The following FANCC variants were observed in gnomAD, a reference collection of about 807,000 sequenced individuals.
FANCC encodes Fanconi anemia group C protein.
Under a neutral mutation model 71.3 loss-of-function variants are expected in FANCC, and 55 were observed. The observed-to-expected ratio is 0.77, with a 90% CI of 0.62 to 0.97. FANCC has a LOEUF of 0.97. Ranked by LOEUF, FANCC falls within the 50% of genes least tolerant of loss-of-function variation. FANCC has a pLI of 0.00. For missense variants in FANCC, 678 were observed against 670.9 expected, an observed-to-expected ratio of 1.01 and a Z score of -0.12; for synonymous variants, 275 against 244.9, an observed-to-expected ratio of 1.12 and a Z score of -1.15.
chr9:95,137,718 A>C (rs1420507618), intron 7 of FANCC, among the ~76,000 whole-genome samples: 1 of 152,222 alleles, frequency 6.6e-6, no homozygotes, highest in Non-Finnish European at 1.5e-5. Context: ...GAAGGTACAC[A>C]TTTGGGTGTC....
chr9:95,286,967 T>C (rs1445148036), intron 1 of FANCC, among the ~76,000 whole-genome samples: 2 of 152,134 alleles, frequency 1.3e-5, no homozygotes, highest in African/African-American at 2.4e-5. Context: ...AGGAAGCAAA[T>C]AGCTTCCTCC....
At chr9:95,155,854 G>C (rs1289678756) in intron 6 of FANCC, among the ~76,000 whole-genome samples, 1 of 151,266 alleles carries the variant, frequency 6.6e-6, no homozygotes, top group Non-Finnish European at 1.5e-5. Context: ...TAGTAGCTGG[G>C]ATTACAGGTG....
At chr9:95,195,224 A>T (rs560856107) in intron 4 of FANCC, among the ~76,000 whole-genome samples, 128 of 142,240 alleles carry the variant, frequency 9.0e-4, no homozygotes, top group African/African-American at 3.1e-3. Flanking sequence ...AAAAAAAACC[A>T]ACTATGCCTA....
chr9:95,190,479 C>G (rs564216255), intron 4 of FANCC, among the ~76,000 whole-genome samples: 1 of 152,348 alleles, frequency 6.6e-6, no homozygotes, highest in Non-Finnish European at 1.5e-5. Context: ...TTTGCTTCTG[C>G]AACTCACATT....
chr9:95,302,849 T>C (rs976808740), intron 1 of FANCC, among the ~76,000 whole-genome samples: 1 of 152,238 alleles, frequency 6.6e-6, no homozygotes. Flanking sequence ...GCCAAATGAA[T>C]AGCATGATCA....
At chr9:95,175,077 T>C (rs1365977806) in intron 4 of FANCC, among the ~76,000 whole-genome samples, 1 of 152,132 alleles carries the variant, frequency 6.6e-6, no homozygotes, top group African/African-American at 2.4e-5. Flanking sequence ...AACTCTACCC[T>C]GAATCTGGGA....
intron 4 of FANCC, among the ~76,000 whole-genome samples, chr9:95,228,669 A>T (rs1829789081): frequency 6.6e-6 from 1 of 152,198 alleles, no homozygotes; most frequent in Admixed American, 6.5e-5. Flanking sequence ...GTGCAAGCGA[A>T]GAGAGTGAGG....
intron 7 of FANCC, among the ~76,000 whole-genome samples, chr9:95,146,208 C>T (rs892323909): frequency 6.6e-6 from 1 of 152,010 alleles, no homozygotes; most frequent in Non-Finnish European, 1.5e-5. Flanking sequence ...AGAATTGGGC[C>T]TGTCACAGTG....
chr9:95,293,911 T>C lies in FANCC; in HGVS notation c.-79+23615A>G, dbSNP rs1564835603. 15 of 1,596,212 alleles carry C rather than the reference T, an allele frequency of 9.4e-6. No homozygotes were observed. In the South Asian group the frequency reaches 1.5e-4, roughly 16 times the overall value. The stretch of plus-strand genomic sequence containing the variant: ...GACATTTTTGAGTGTTCATTCATCA[T>C]ATAATGTTGCTACAAGTAACATTAT... On this transcript the variant is annotated intron_variant, in intron 1 of 14. Coordinates refer to ENST00000289081, the MANE Select transcript of FANCC (RefSeq NM_000136.3).
At chr9:95,226,922 C>T (rs531787565) in intron 4 of FANCC, among the ~76,000 whole-genome samples, 1 of 152,252 alleles carries the variant, frequency 6.6e-6, no homozygotes, top group South Asian at 2.1e-4. Flanking sequence ...CCAGCCCTCC[C>T]GTCCCAGCAC....
At chr9:95,209,975 C>A (rs1044199771) in intron 4 of FANCC, among the ~76,000 whole-genome samples, 66 of 152,096 alleles carry the variant, frequency 4.3e-4, no homozygotes, top group African/African-American at 1.5e-3. Flanking sequence ...CTGTTTGTAA[C>A]AGCAAAACCT....
At chr9:95,124,845 G>T (rs959681585) in intron 10 of FANCC, among the ~76,000 whole-genome samples, 2 of 152,170 alleles carry the variant, frequency 1.3e-5, no homozygotes, top group African/African-American at 4.8e-5. Flanking sequence ...ATGCTGGCAT[G>T]ACAGAGTTCT....
At chr9:95,278,592 A>G (rs974377402) in intron 1 of FANCC, among the ~76,000 whole-genome samples, 5 of 152,162 alleles carry the variant, frequency 3.3e-5, no homozygotes, top group Admixed American at 6.5e-5. Context: ...CCCAGCAATC[A>G]CAGGGGTAAA....
chr9:95,293,253 T>A, intron 1 of FANCC: 2 of 1,613,476 alleles, frequency 1.2e-6, no homozygotes, highest in Non-Finnish European at 1.7e-6. Flanking sequence ...TTGCTTAAAC[T>A]ACCCGTGATG....
intron 4 of FANCC, among the ~76,000 whole-genome samples, chr9:95,198,017 A>G (rs532415248): frequency 6.6e-6 from 1 of 152,256 alleles, no homozygotes; most frequent in South Asian, 2.1e-4. Flanking sequence ...TCAAGAATAT[A>G]ATCACGGGTT....
intron 10 of FANCC, among the ~76,000 whole-genome samples, chr9:95,117,984 A>G (rs1342069667): frequency 6.6e-6 from 1 of 151,726 alleles, no homozygotes; most frequent in Non-Finnish European, 1.5e-5. Context: ...GGCCTCCCAA[A>G]GTACTGGGAT....
rs2135428621 is a variant in FANCC at position 95,150,064 on chromosome 9, G to A, written c.545C>T (p.Ser182Phe). The A allele has an allele frequency of 1.2e-6, 2 of 1,614,114 alleles. No homozygotes were observed. The highest frequency in any genetic ancestry group is 1.7e-5 in the Admixed American group (1 of 60,016). ...QRRMAPERVA[S>F]LSRVCVPLIT... ...AAGTGGGACACAAACTCGTGACAGG[G>A]ACGCCACTCGCTCGGGAGCCATTCT... is the stretch of plus-strand genomic sequence containing the variant. The change falls in exon 7 of 15, where the codon TCC becomes TTC. Residue 182 changes from serine (S) to phenylalanine (F), a missense_variant. By Grantham distance (155) the Ser-to-Phe change is radical. Coordinates refer to ENST00000289081, the MANE Select transcript of FANCC (RefSeq NM_000136.3).
At chr9:95,209,454 C>T (rs1828358063) in intron 4 of FANCC, among the ~76,000 whole-genome samples, 1 of 152,136 alleles carries the variant, frequency 6.6e-6, no homozygotes, top group Non-Finnish European at 1.5e-5. Context: ...CTGTTGATAA[C>T]AGGGGAGGCT....
chr9:95,186,646 C>G (rs1826735265), intron 4 of FANCC: 1 of 152,180 alleles, frequency 6.6e-6, no homozygotes, highest in Admixed American at 6.5e-5. Context: ...ATAATTCCAC[C>G]TATGTGAAAA....
Sources: allele counts gnomAD v4.1 joint callset (sites outside exome capture counted in the v4.1 genomes callset), GRCh38; gene constraint gnomAD v4.1.1; transcripts MANE v1.5; gene names NCBI Gene and HGNC (gene_info 2026-07-23, HGNC 2026-07-21).